UBE3D: variants seen among roughly 807,000 people sequenced by gnomAD.
UBE3D encodes ubiquitin protein ligase E3D.
In UBE3D, 48 loss-of-function variants were observed where a neutral mutation model predicts 49.6. The observed-to-expected ratio is 0.97, with a 90% CI of 0.77 to 1.23. The LOEUF (loss-of-function observed/expected upper bound fraction) is 1.23. Ranked by LOEUF, UBE3D falls within the 50% of genes most tolerant of loss-of-function variation. The pLI, the probability that UBE3D is intolerant of heterozygous loss-of-function variation, is 0.00. For missense variants in UBE3D, 452 were observed against 468.4 expected (o/e 0.96, Z 0.32); for synonymous variants, 189 against 174.2 (o/e 1.08, Z -0.67).
rs571444949 is a variant in UBE3D, at chr6:83,065,714, G to A, written c.5C>T (p.Ala2Val). 6.2e-7 allele frequency: 1 copy of A among 1,610,784 alleles called. No homozygotes were observed. The highest frequency in any genetic ancestry group is 2.2e-5 in the East Asian group (1 of 44,554). Residue 2 changes from alanine to valine, a missense_variant, in exon 1 of 10, where the codon GCG becomes GTG. Physicochemically the swap from Ala to Val is moderately conservative, Grantham distance 64. Transcript: ENST00000369747. ...CACGCGCGTCTCCGCCGCAGAAGCCGCCATGGCAGGCTTCCAGTCCCAGAC... is the reference window on the plus strand; with the variant it reads ...CACGCGCGTCTCCGCCGCAGAAGCCACCATGGCAGGCTTCCAGTCCCAGAC... M[A>V]ASAAETRVFL...
chr6:83,012,463 T>C (rs1366835230), intron 8 of UBE3D, among the ~76,000 whole-genome samples: 1 of 152,164 alleles, frequency 6.6e-6, no homozygotes, highest in Admixed American at 6.5e-5. Context: ...AGCCCGTGCA[T>C]AAGGTCCATC....
chr6:83,057,456 T>A (rs979454385), intron 2 of UBE3D, among the ~76,000 whole-genome samples: 1 of 152,238 alleles, frequency 6.6e-6, no homozygotes, highest in African/African-American at 2.4e-5. Context: ...GTTGAATGAA[T>A]AAATTTCCAT....
At chr6:83,064,225 T>C (rs1174914200) in intron 1 of UBE3D, among the ~76,000 whole-genome samples, 1 of 152,090 alleles carries the variant, frequency 6.6e-6, no homozygotes, top group African/African-American at 2.4e-5. Context: ...TTTTTTTTCT[T>C]TTTATTTTTT....
In UBE3D at chr6:82,949,174, C is replaced by T. The variant is rs892917373; in HGVS notation, c.1149+8138G>A. 7.2e-5 allele frequency among the ~76,000 whole-genome samples: 11 copies of T among 151,946 alleles called. No individual in the cohort carries two copies. In the East Asian group the frequency reaches 7.7e-4, roughly 11 times the overall value. On this transcript the variant is annotated intron_variant, in intron 9 of 9. Transcript: ENST00000369747. ...TTGATAAACAAATTCAGTAAAGTTG[C>T]GGGGGACAAAATGAATAAACAAAAA...
intron 8 of UBE3D, among the ~76,000 whole-genome samples, chr6:82,961,743 C>T (rs1010261921): frequency 6.6e-6 from 1 of 151,978 alleles, no homozygotes; most frequent in Admixed American, 6.6e-5. Context: ...GGGAGGATCA[C>T]CTGAGGTCGG....
At position 83,044,569 on chromosome 6, in the gene UBE3D, T is replaced by C; in HGVS notation, c.456A>G (p.Lys152=). The C allele has an allele frequency of 6.2e-7, 1 of 1,614,106 alleles. No homozygotes were observed. Among genetic ancestry groups the C allele is most frequent in the Non-Finnish European group, 8.5e-7 (1 of 1,179,984 alleles). Residue 152 remains lysine (K), a synonymous_variant, in exon 4 of 10, where the codon AAA becomes AAG. Transcript: ENST00000369747. ...WCCHPDPFAN[K]SLHPQENDCF... ...AGTCATTCTCTTGCGGATGAAGTGA[T>C]TTATTAGCAAAGGGGTCAGGATGAC... is the stretch of plus-strand genomic sequence containing the variant.
chr6:82,936,360 G>C (rs905477936), intron 9 of UBE3D, among the ~76,000 whole-genome samples: 5 of 152,140 alleles, frequency 3.3e-5, no homozygotes, highest in African/African-American at 1.2e-4. Flanking sequence ...GCAGCTGATG[G>C]TTCAAATGAT....
At chr6:82,903,806 G>T (rs1294121969) in intron 9 of UBE3D, among the ~76,000 whole-genome samples, 1 of 152,102 alleles carries the variant, frequency 6.6e-6, no homozygotes, top group East Asian at 1.9e-4. Context: ...TTAAAGGAGG[G>T]GTAAATAATG....
intron 8 of UBE3D, among the ~76,000 whole-genome samples, chr6:83,000,156 T>A (rs773862175): frequency 2.0e-5 from 3 of 152,138 alleles, no homozygotes; most frequent in Admixed American, 6.6e-5. Flanking sequence ...TAAATAATCT[T>A]ACCCATGCCA....
intron 9 of UBE3D, among the ~76,000 whole-genome samples, chr6:82,934,019 A>C (rs747772529): frequency 2.6e-5 from 4 of 152,192 alleles, no homozygotes; most frequent in African/African-American, 9.7e-5. Flanking sequence ...TGTAATCCCC[A>C]TAATCCCCAA....
At chr6:83,037,437 T>C (rs906437341) in intron 5 of UBE3D, 1 of 152,246 alleles carries the variant, frequency 6.6e-6, no homozygotes, top group Admixed American at 6.5e-5. Context: ...TCACCTTATT[T>C]AACCAGAAGG....
chr6:82,946,270 A>T (rs1029191767), intron 9 of UBE3D, among the ~76,000 whole-genome samples: 2 of 152,172 alleles, frequency 1.3e-5, no homozygotes, highest in East Asian at 3.9e-4. Flanking sequence ...CAGAAAAGTA[A>T]CAAATAACAT....
At chr6:82,997,084 A>G (rs1779294973) in intron 8 of UBE3D, among the ~76,000 whole-genome samples, 4 of 152,170 alleles carry the variant, frequency 2.6e-5, no homozygotes, top group Non-Finnish European at 4.4e-5. Flanking sequence ...ACTCTTCTAA[A>G]TTACTTCTAA....
intron 8 of UBE3D, among the ~76,000 whole-genome samples, chr6:82,976,580 C>G (rs1371125598): frequency 6.6e-6 from 1 of 152,138 alleles, no homozygotes; most frequent in East Asian, 1.9e-4. Context: ...GCCAATATTT[C>G]TGCCACCGTC....
chr6:82,964,578 G>T (rs1376700211), intron 8 of UBE3D, among the ~76,000 whole-genome samples: 2 of 152,138 alleles, frequency 1.3e-5, no homozygotes, highest in Non-Finnish European at 2.9e-5. Flanking sequence ...ATATTATGTT[G>T]CTTATACCTG....
At chr6:82,971,721 G>A (rs1777365414) in intron 8 of UBE3D, among the ~76,000 whole-genome samples, 1 of 151,986 alleles carries the variant, frequency 6.6e-6, no homozygotes, top group South Asian at 2.1e-4. Context: ...ACCACACCTG[G>A]CCTCTATTTT....
chr6:82,916,087 T>C (rs1420113323), intron 9 of UBE3D, among the ~76,000 whole-genome samples: 3 of 152,212 alleles, frequency 2.0e-5, no homozygotes, highest in Non-Finnish European at 4.4e-5. Flanking sequence ...GGACTTGTCA[T>C]ATATTCATTG....
intron 8 of UBE3D, among the ~76,000 whole-genome samples, chr6:83,014,738 C>G (rs981498750): frequency 6.6e-6 from 1 of 152,152 alleles, no homozygotes; most frequent in Non-Finnish European, 1.5e-5. Context: ...CAAAGATTCA[C>G]AGCATAAATT....
intron 8 of UBE3D, among the ~76,000 whole-genome samples, chr6:83,000,809 C>A (rs1228611692): frequency 6.6e-6 from 1 of 152,026 alleles, no homozygotes; most frequent in African/African-American, 2.4e-5. Flanking sequence ...ACAGTAAACT[C>A]CTTCTCCTCC....
Sources: gnomAD v4.1 joint callset for allele counts (sites outside exome capture counted in the v4.1 genomes callset) on GRCh38, gnomAD v4.1.1 for gene constraint, MANE v1.5 for transcripts, NCBI Gene and HGNC (gene_info 2026-07-23, HGNC 2026-07-21) for gene names.